Variants in CNEP1R1 observed in about 807,000 individuals in gnomAD.
CNEP1R1 encodes nuclear envelope phosphatase-regulatory subunit 1.
Under a neutral mutation model 22.7 loss-of-function variants are expected in CNEP1R1, and 10 were observed. That is an observed-to-expected ratio of 0.44 (90% CI 0.27 to 0.75). CNEP1R1 has a LOEUF of 0.75. Among genes scored for constraint, CNEP1R1 ranks in the 30% least tolerant of loss-of-function variants. CNEP1R1 has a pLI of 0.17. For synonymous variants in CNEP1R1, 53 were observed against 50.1 expected, an observed-to-expected ratio of 1.06 and a Z score of -0.25; for missense variants, 73 against 151.5, an observed-to-expected ratio of 0.48 and a Z score of 2.72.
chr16:50,030,788 G>T (rs991274790), intron 3 of CNEP1R1, among the ~76,000 whole-genome samples: 4 of 152,128 alleles, frequency 2.6e-5, no homozygotes, highest in Admixed American at 6.5e-5. Flanking sequence ...CCTTGGGCTA[G>T]CAAAGCTTTT....
intron 4 of CNEP1R1, among the ~76,000 whole-genome samples, 180 bp from the exon 5 acceptor site, chr16:50,033,922 C>T: frequency 6.9e-6 from 1 of 143,924 alleles, no homozygotes; most frequent in Non-Finnish European, 1.5e-5. Context: ...CTTGCTCTGT[C>T]GCCCAGGCTG....
rs1339443785 is a variant in CNEP1R1 at position 50,035,697 on chromosome 16, A to G, written c.*239A>G. 6.7e-6 allele frequency: 3 copies of G among 446,176 alleles called. No individual in the cohort carries two copies. Among genetic ancestry groups the G allele is most frequent in the African/African-American group, 4.0e-5 (2 of 49,482 alleles). 27.6% of individuals were successfully genotyped at this position (446,176 alleles called of 1,614,324 possible). A position where few individuals can be genotyped will look rare whatever the true frequency, so the allele number is the denominator to read the frequency against. ...TCACTTTAGTACTTCAGATCCTGCA[A>G]ATATTTTTGCAGATGAAGTATGTAT... On this transcript the variant is annotated 3_prime_UTR_variant, in exon 6 of 6. Transcript: ENST00000427478.
In CNEP1R1 at chr16:50,035,446, T is replaced by C; in HGVS notation, c.366T>C (p.Pro122=). The C allele has an allele frequency of 1.3e-6, 2 of 1,581,974 alleles. No homozygotes were observed. The highest frequency in any genetic ancestry group is 1.7e-6 in the Non-Finnish European group (2 of 1,160,274). ...DTGKLILKPR[P]HVQ is the part of the protein sequence containing the mutation. Reference sequence around the variant, plus strand: ...GAAAACTAATTTTGAAACCTAGGCCTCATGTTCAATGACAATCTTCACTCA... The same window carrying C: ...GAAAACTAATTTTGAAACCTAGGCCCCATGTTCAATGACAATCTTCACTCA... The change falls in exon 6 of 6, where the codon CCT becomes CCC. Residue 122 remains proline (P), a synonymous_variant. Transcript: ENST00000427478.
rs183073003 is a variant in CNEP1R1, at chr16:50,030,012, T to A, written c.171+214T>A. On this transcript the variant is annotated intron_variant, in intron 3 of 5. Transcript: ENST00000427478. ...TACAGGGAAAAGGTCTAAGAGATGC[T>A]ATTATTTCTTAGACATTTATTTGTT... Among the ~76,000 whole-genome samples the A allele has an allele frequency of 8.3e-4, 126 of 152,376 alleles. 1 individual carries two copies. The highest frequency in any genetic ancestry group is 3.5e-4 in the Non-Finnish European group (24 of 68,030).
intron 2 of CNEP1R1, among the ~76,000 whole-genome samples, 196 bp from the exon 3 acceptor site, chr16:50,029,525 CTTAA>C (rs1385598079): frequency 6.6e-6 from 1 of 152,158 alleles, no homozygotes; most frequent in African/African-American, 2.4e-5. Flanking sequence ...AAACAGTATC[CTTAA>C]TTACTAAGGT....
intron 2 of CNEP1R1, among the ~76,000 whole-genome samples, chr16:50,029,438 A>G (rs2036213541): frequency 6.6e-6 from 1 of 152,084 alleles, no homozygotes; most frequent in Admixed American, 6.6e-5. Context: ...CATAGCGTAG[A>G]CTCTTCTACT....
intron 1 of CNEP1R1, 177 bp from the exon 2 acceptor site, chr16:50,026,219 C>T: frequency 2.1e-6 from 1 of 487,454 alleles, no homozygotes; most frequent in Non-Finnish European, 3.6e-6. Flanking sequence ...TTGTCAAGTG[C>T]TTAAAAAGCT....
intron 3 of CNEP1R1, among the ~76,000 whole-genome samples, chr16:50,032,243 A>G (rs544514820): frequency 6.6e-6 from 1 of 152,218 alleles, no homozygotes; most frequent in South Asian, 2.1e-4. Flanking sequence ...TTCTTTCTAC[A>G]CAGGCTCTAA....
chr16:50,026,503 C>T (rs1555498670), intron 2 of CNEP1R1, 36 bp downstream of exon 2: 2 of 1,400,754 alleles, frequency 1.4e-6, no homozygotes, highest in Non-Finnish European at 1.0e-6. Context: ...GGAAAACTAA[C>T]AATTGATACT....
At chr16:50,033,859 G>A (rs1405247522) in intron 4 of CNEP1R1, among the ~76,000 whole-genome samples, 1 of 138,266 alleles carries the variant, frequency 7.2e-6, no homozygotes, top group African/African-American at 2.6e-5. Context: ...GCAAGACTGC[G>A]TCTCAAAAAA....
intron 4 of CNEP1R1, among the ~76,000 whole-genome samples, chr16:50,033,708 C>CA (rs1257875235): frequency 1.3e-5 from 2 of 150,876 alleles, no homozygotes; most frequent in Non-Finnish European, 3.0e-5. Context: ...TACTAAAATA[C>CA]AAAAAATTAG....
chr16:50,030,861 AGGG>A (rs1216495819), intron 3 of CNEP1R1, among the ~76,000 whole-genome samples: 1 of 152,248 alleles, frequency 6.6e-6, no homozygotes, highest in Non-Finnish European at 1.5e-5. Context: ...GGAAACACTG[AGGG>A]ATCTCCCACT....
chr16:50,031,602 C>G (rs2036231541), intron 3 of CNEP1R1, among the ~76,000 whole-genome samples: 2 of 152,066 alleles, frequency 1.3e-5, no homozygotes, highest in African/African-American at 4.8e-5. Flanking sequence ...TGAAATAGGC[C>G]CAAAACTATG....
chr16:50,026,367 A>G (rs773057469), intron 1 of CNEP1R1, 29 bp from the exon 2 acceptor site: 1 of 1,513,566 alleles, frequency 6.6e-7, no homozygotes, highest in Non-Finnish European at 9.1e-7. Flanking sequence ...AAGAGTGGCT[A>G]ATTAGAAAAT....
At chr16:50,031,866 T>C (rs1365792884) in intron 3 of CNEP1R1, among the ~76,000 whole-genome samples, 1 of 152,082 alleles carries the variant, frequency 6.6e-6, no homozygotes, top group African/African-American at 2.4e-5. Context: ...AGTGTTGCCA[T>C]GGAGGGAGGA....
intron 2 of CNEP1R1, among the ~76,000 whole-genome samples, chr16:50,029,336 T>C (rs1204956901): frequency 6.6e-6 from 1 of 152,228 alleles, no homozygotes; most frequent in African/African-American, 2.4e-5. Context: ...AAAAGGAGTC[T>C]TTGATGGTTT....
chr16:50,034,112 C>T lies in CNEP1R1; in HGVS notation c.292C>T (p.Arg98Ter), dbSNP rs1298120830. The T allele has an allele frequency of 6.3e-7, 1 of 1,594,082 alleles. No individual in the cohort carries two copies. Among genetic ancestry groups the T allele is most frequent in the Non-Finnish European group, 8.6e-7 (1 of 1,169,164 alleles). ...ACCACATGTATTCAGTATAGCTGCT[C>T]GATGTCGAACGGTATTAGCAGAATA... Reference protein sequence around the residue: ...RVVAPSIIAARCRTVLAEYNM... With the variant: ...RVVAPSIIAA Residue 98 changes from arginine (R) to a stop codon, truncating the protein, a stop_gained, in exon 5 of 6, where the codon CGA becomes TGA. Coordinates refer to ENST00000427478, the MANE Select transcript of CNEP1R1 (RefSeq NM_001281789.2). LOFTEE classifies it high-confidence loss of function.
Position 50,036,031 on chromosome 16 carries a change from A to G in CNEP1R1, c.*573A>G, listed in dbSNP as rs1221783997. On this transcript the variant is annotated 3_prime_UTR_variant, in exon 6 of 6. Transcript: ENST00000427478. ...AGAAATTATAGATGTTTTGAGAGACACTTTTTGTTAAACCAGATATTGAAC... is the reference window on the plus strand; with the variant it reads ...AGAAATTATAGATGTTTTGAGAGACGCTTTTTGTTAAACCAGATATTGAAC... 1 of 152,582 alleles carries G rather than the reference A, an allele frequency of 6.6e-6. No homozygotes were observed. The highest frequency in any genetic ancestry group is 1.9e-4 in the East Asian group (1 of 5,198). 9.5% of individuals were successfully genotyped at this position (152,582 alleles called of 1,614,324 possible).
intron 3 of CNEP1R1, 72 bp downstream of exon 3, chr16:50,029,870 T>TA: frequency 1.1e-6 from 1 of 891,504 alleles, no homozygotes; most frequent in East Asian, 2.5e-5. Context: ...TTGTTAATGA[T>TA]AAAGTATTCA....
Sources: allele counts gnomAD v4.1 joint callset (sites outside exome capture counted in the v4.1 genomes callset), GRCh38; gene constraint gnomAD v4.1.1; transcripts MANE v1.5; gene names NCBI Gene and HGNC (gene_info 2026-07-23, HGNC 2026-07-21).